Variants in CNBD1 observed in about 807,000 individuals in gnomAD.
CNBD1 encodes cyclic nucleotide binding domain containing 1, also known as cyclic nucleotide-binding domain-containing protein 1.
CNBD1 carries 71 observed loss-of-function variants against 54.4 expected under a neutral mutation model. That is an observed-to-expected ratio of 1.30 (90% CI 1.08 to 1.59). The LOEUF is 1.59. Ranked by LOEUF, CNBD1 falls within the 40% of genes most tolerant of loss-of-function variation. CNBD1 has a pLI of 0.00. For missense variants in CNBD1, 659 were observed against 518.0 expected, an observed-to-expected ratio of 1.27 and a Z score of -2.64; for synonymous variants, 182 against 170.7, an observed-to-expected ratio of 1.07 and a Z score of -0.51.
At chr8:87,311,200 T>A (rs1387572054) in intron 8 of CNBD1, among the ~76,000 whole-genome samples, 1 of 151,662 alleles carries the variant, frequency 6.6e-6, no homozygotes, top group Non-Finnish European at 1.5e-5. Context: ...AAACAATATA[T>A]CCAACAAAGG....
rs575622493 is a variant in CNBD1, at chr8:87,361,960, T to C, written c.1303+8174T>C. Among the ~76,000 whole-genome samples the C allele has an allele frequency of 5.3e-5, 8 of 152,194 alleles. No homozygotes were observed. In the East Asian group the frequency reaches 1.5e-3, roughly 29 times the overall value. On this transcript the variant is annotated intron_variant, in intron 10 of 10. Transcript: ENST00000518476. The stretch of plus-strand genomic sequence containing the variant: ...TATAAATGTATACACTTCAGACTTA[T>C]GGAAGCACTGAGATGAAACACTTTT...
intron 4 of CNBD1, among the ~76,000 whole-genome samples, chr8:86,968,562 T>C (rs1185409328): frequency 6.6e-6 from 1 of 152,230 alleles, no homozygotes; most frequent in Non-Finnish European, 1.5e-5. Flanking sequence ...GGGAGGCAGG[T>C]CTATGCCTTT....
intron 4 of CNBD1, among the ~76,000 whole-genome samples, chr8:87,198,324 T>A (rs1301033596): frequency 6.6e-6 from 1 of 152,160 alleles, no homozygotes; most frequent in Non-Finnish European, 1.5e-5. Flanking sequence ...ACCAGCTCCA[T>A]GGAAAAACCC....
intron 4 of CNBD1, among the ~76,000 whole-genome samples, chr8:87,094,893 G>T (rs892447978): frequency 6.6e-6 from 1 of 152,274 alleles, no homozygotes; most frequent in South Asian, 2.1e-4. Context: ...CAAAAAATTA[G>T]CTGGGCATGG....
chr8:87,404,293 G>A (rs1289842309), intron 2 of CNBD1, among the ~76,000 whole-genome samples: 1 of 152,040 alleles, frequency 6.6e-6, no homozygotes, highest in African/African-American at 2.4e-5. Context: ...CTAACAAACT[G>A]TAACAATTCC....
At chr8:86,932,805 A>G (rs566064524) in intron 3 of CNBD1, among the ~76,000 whole-genome samples, 206 of 152,048 alleles carry the variant, frequency 1.4e-3, no homozygotes, top group Middle Eastern at 6.8e-3. Flanking sequence ...CATCTGAAAG[A>G]AAAAAAACTG....
intron 1 of CNBD1, among the ~76,000 whole-genome samples, chr8:86,881,367 G>A (rs547548644): frequency 7.9e-4 from 120 of 152,008 alleles, no homozygotes; most frequent in African/African-American, 2.7e-3. Context: ...ATTCCTATAC[G>A]CCAACAACAG....
intron 4 of CNBD1, among the ~76,000 whole-genome samples, chr8:86,986,715 T>G (rs970418935): frequency 6.6e-6 from 1 of 152,214 alleles, no homozygotes; most frequent in Non-Finnish European, 1.5e-5. Flanking sequence ...GGGTCCAACT[T>G]TGTTCTTCTG....
At chr8:87,140,973 A>C (rs2130738214) in intron 4 of CNBD1, among the ~76,000 whole-genome samples, 1 of 152,234 alleles carries the variant, frequency 6.6e-6, no homozygotes, top group South Asian at 2.1e-4. Context: ...GCGAATATTA[A>C]GTTGTAAAAA....
intron 2 of CNBD1, among the ~76,000 whole-genome samples, chr8:86,894,907 G>C (rs893514231): frequency 1.6e-4 from 25 of 152,230 alleles, no homozygotes; most frequent in Admixed American, 1.4e-3. Context: ...CTGGAGGCTG[G>C]GAAGTCAAAG....
At chr8:87,025,861 A>T (rs561023031) in intron 4 of CNBD1, among the ~76,000 whole-genome samples, 17 of 152,314 alleles carry the variant, frequency 1.1e-4, no homozygotes, top group Non-Finnish European at 2.2e-4. Flanking sequence ...GAAGTCAGCG[A>T]GACCAAGAAC....
intron 4 of CNBD1, among the ~76,000 whole-genome samples, chr8:86,940,225 G>T (rs1017474981): frequency 2.9e-5 from 4 of 139,916 alleles, no homozygotes; most frequent in Non-Finnish European, 6.0e-5. Context: ...CTGCTTCAAT[G>T]GCGCAATCTC....
intron 4 of CNBD1, among the ~76,000 whole-genome samples, chr8:86,976,663 C>A (rs1808349134): frequency 6.6e-6 from 1 of 151,940 alleles, no homozygotes; most frequent in Admixed American, 6.6e-5. Context: ...TCTTCCCATT[C>A]ATGAACATAG....
chr8:87,055,416 G>A (rs769257339), intron 4 of CNBD1, among the ~76,000 whole-genome samples: 50 of 151,910 alleles, frequency 3.3e-4, no homozygotes, highest in Non-Finnish European at 6.3e-4. Flanking sequence ...TATAATTGTG[G>A]GTTTGCTTTA....
At chr8:87,296,371 G>A (rs554078927) in intron 8 of CNBD1, among the ~76,000 whole-genome samples, 2 of 152,122 alleles carry the variant, frequency 1.3e-5, no homozygotes, top group Non-Finnish European at 2.9e-5. Flanking sequence ...AATAATAGAA[G>A]TAGTCAGTTA....
chr8:86,965,043 T>C (rs982968400), intron 4 of CNBD1, among the ~76,000 whole-genome samples: 2 of 152,212 alleles, frequency 1.3e-5, no homozygotes, highest in African/African-American at 4.8e-5. Context: ...AGAACATTTT[T>C]ACCACAAGTT....
intron 4 of CNBD1, among the ~76,000 whole-genome samples, chr8:87,010,356 C>A (rs560718062): frequency 1.3e-5 from 2 of 152,118 alleles, no homozygotes; most frequent in South Asian, 4.1e-4. Flanking sequence ...TTTTCTAATG[C>A]TTTGTTTTAT....
chr8:87,309,143 T>A (rs1212018168), intron 8 of CNBD1, among the ~76,000 whole-genome samples: 1 of 152,098 alleles, frequency 6.6e-6, no homozygotes, highest in Non-Finnish European at 1.5e-5. Context: ...TAGTTCTAAT[T>A]TCAGTTTTGA....
chr8:87,315,347 G>A (rs1809362087), intron 8 of CNBD1, among the ~76,000 whole-genome samples: 1 of 151,966 alleles, frequency 6.6e-6, no homozygotes, highest in African/African-American at 2.4e-5. Flanking sequence ...TGCTAAAAAG[G>A]AATACTTGAA....
Sources: gnomAD v4.1 joint callset for allele counts (sites outside exome capture counted in the v4.1 genomes callset) on GRCh38, gnomAD v4.1.1 for gene constraint, MANE v1.5 for transcripts, NCBI Gene and HGNC (gene_info 2026-07-23, HGNC 2026-07-21) for gene names.